The following RADIL variants were observed in gnomAD, a reference collection of about 807,000 sequenced individuals.
The protein encoded by RADIL is Rap associating with DIL domain, also known as ras-associating and dilute domain-containing protein.
Under a neutral mutation model 97.6 loss-of-function variants are expected in RADIL, and 99 were observed. That is an observed-to-expected ratio of 1.01 (90% CI 0.86 to 1.20). The LOEUF is 1.20. Among genes scored for constraint, RADIL ranks in the 50% most tolerant of loss-of-function variants. RADIL has a pLI of 0.00. For synonymous variants in RADIL, 803 were observed against 691.8 expected, an observed-to-expected ratio of 1.16 and a Z score of -2.52; for missense variants, 1,765 against 1,498.9, an observed-to-expected ratio of 1.18 and a Z score of -2.93.
intron 2 of RADIL, among the ~76,000 whole-genome samples, chr7:4,856,693 T>C (rs974663369): frequency 2.0e-5 from 3 of 152,262 alleles, no homozygotes; most frequent in Non-Finnish European, 4.4e-5. Context: ...TACTTTGAAG[T>C]ATGTTAAATA....
chr7:4,817,876 G>T lies in RADIL; in HGVS notation c.1616-525C>A, dbSNP rs1025440500. On this transcript the variant is annotated intron_variant, in intron 6 of 14. Coordinates refer to ENST00000399583, the MANE Select transcript of RADIL (RefSeq NM_018059.5). The surrounding 1 kb of genome is among the most constrained non-coding windows in gnomAD (Gnocchi z 8.3). ...GCTGGAGCTGAGGCTGGGGGGAGCT[G>T]CCCACGGAGTGGTTCCTGCCGTCTG... is the stretch of plus-strand genomic sequence containing the variant. Among the ~76,000 whole-genome samples the T allele has an allele frequency of 2.0e-5, 3 of 152,208 alleles. No individual in the cohort carries two copies. Among genetic ancestry groups the T allele is most frequent in the Non-Finnish European group, 4.4e-5 (3 of 68,032 alleles).
Position 4,803,572 on chromosome 7 carries a change from C to T in RADIL, c.2473G>A (p.Gly825Arg). Residue 825 changes from glycine (G) to arginine (R), a missense_variant, in exon 11 of 15, where the codon GGG (glycine) becomes AGG (arginine). Transcript: ENST00000399583. ...SPGSPGRPGS[G>R]ASQPVCPEGM... ...TCGGGGCACACTGGCTGGGAGGCCCCACTGCCAGGCCTGCCAGGGCTGCCG... is the reference window on the plus strand; with the variant it reads ...TCGGGGCACACTGGCTGGGAGGCCCTACTGCCAGGCCTGCCAGGGCTGCCG... The T allele has an allele frequency of 2.6e-6, 4 of 1,539,240 alleles. No individual in the cohort carries two copies. The highest frequency in any genetic ancestry group is 3.5e-6 in the Non-Finnish European group (4 of 1,143,210).
chr7:4,847,608 G>A (rs943891116), intron 2 of RADIL, among the ~76,000 whole-genome samples: 4 of 151,978 alleles, frequency 2.6e-5, no homozygotes, highest in Admixed American at 6.6e-5. Flanking sequence ...GTCCATCAAC[G>A]GGTGAACAGA....
At chr7:4,841,589 C>G (rs912199508) in intron 2 of RADIL, among the ~76,000 whole-genome samples, 2 of 152,190 alleles carry the variant, frequency 1.3e-5, no homozygotes, top group Non-Finnish European at 2.9e-5. Flanking sequence ...CCGTGTTGAT[C>G]CACTCTAGTG....
Position 4,835,026 on chromosome 7 carries a change from C to A in RADIL, c.997G>T (p.Gly333Trp). 4 of 1,610,984 alleles carry A rather than the reference C, an allele frequency of 2.5e-6. No individual in the cohort carries two copies. The highest frequency in any genetic ancestry group is 3.4e-6 in the Non-Finnish European group (4 of 1,179,122). ...AHISVNFSEVGHRTVVLHHGD... is the reference protein window; with the variant it reads ...AHISVNFSEVWHRTVVLHHGD... Reference sequence around the variant, plus strand: ...TGGTGCAGCACCACGGTCCTGTGCCCCACCTCGGAGAAGTTGACGGAGATG... The same window carrying A: ...TGGTGCAGCACCACGGTCCTGTGCCACACCTCGGAGAAGTTGACGGAGATG... The change falls in exon 4 of 15, where the codon GGG becomes TGG. Residue 333 changes from glycine (G) to tryptophan (W), a missense_variant. Physicochemically the swap from Gly to Trp is radical, Grantham distance 184. Coordinates refer to ENST00000399583, the MANE Select transcript of RADIL (RefSeq NM_018059.5). This position sits in a 1 kb window ranked among gnomAD's most constrained non-coding sequence, Gnocchi z 5.8.
chr7:4,880,016 C>T lies in RADIL; in HGVS notation c.-64-1813G>A, dbSNP rs147642944. On this transcript the variant is annotated intron_variant, in intron 1 of 14. Coordinates refer to ENST00000399583, the MANE Select transcript of RADIL (RefSeq NM_018059.5). The surrounding 1 kb of genome is among the most constrained non-coding windows in gnomAD (Gnocchi z 4.5). ...CACACCAGAGACTGGGTTCCCAACG[C>T]GGACGTCTGCCCTGCGGGGTGGGTG... Among the ~76,000 whole-genome samples the T allele has an allele frequency of 9.0e-4, 137 of 152,286 alleles. 2 individuals carry two copies. The highest frequency in any genetic ancestry group is 4.0e-4 in the Non-Finnish European group (27 of 68,016).
rs558998835 is a variant in RADIL, at chr7:4,855,734, C to T, written c.536-19129G>A. ...CATGTTTATTGGCCGTTCCTAGCTCCTCTTCCGTGAAGTGCTTATGCGCTT... is the reference window on the plus strand; with the variant it reads ...CATGTTTATTGGCCGTTCCTAGCTCTTCTTCCGTGAAGTGCTTATGCGCTT... On this transcript the variant is annotated intron_variant, in intron 2 of 14. Transcript: ENST00000399583. Among the ~76,000 whole-genome samples, 81 of 151,708 alleles carry T rather than the reference C, an allele frequency of 5.3e-4. 1 individual carries two copies. Among genetic ancestry groups the T allele is most frequent in the African/African-American group, 1.6e-3 (68 of 41,348 alleles).
In RADIL at chr7:4,849,281, T is replaced by C. The variant is rs1309626097; in HGVS notation, c.536-12676A>G. 6.6e-6 allele frequency among the ~76,000 whole-genome samples: 1 copy of C among 152,180 alleles called. No individual in the cohort carries two copies. Among genetic ancestry groups the C allele is most frequent in the South Asian group, 2.1e-4 (1 of 4,830 alleles). ...GCTTTTAATCGGTAATGAGAAACTA[T>C]TGCTTTAACTGTGCACATATATATA... On this transcript the variant is annotated intron_variant, in intron 2 of 14. Coordinates refer to ENST00000399583, the MANE Select transcript of RADIL (RefSeq NM_018059.5). The surrounding 1 kb of genome is among the most constrained non-coding windows in gnomAD (Gnocchi z 5.4).
At chr7:4,805,424 G>A in intron 10 of RADIL, 142 bp downstream of exon 10, 1 of 1,074,148 alleles carries the variant, frequency 9.3e-7, no homozygotes, top group South Asian at 2.6e-5. Context: ...GGGTCCTCTG[G>A]GTGGAGGCTC....
chr7:4,843,132 G>A (rs905500405), intron 2 of RADIL, among the ~76,000 whole-genome samples: 3 of 150,670 alleles, frequency 2.0e-5, no homozygotes, highest in Admixed American at 6.7e-5. Context: ...TCAGTCTCCC[G>A]AGTAGCTAGG....
intron 2 of RADIL, among the ~76,000 whole-genome samples, chr7:4,862,715 T>C (rs1784045101): frequency 6.6e-6 from 1 of 150,814 alleles, no homozygotes; most frequent in Non-Finnish European, 1.5e-5. Context: ...AGCCTCAACA[T>C]GGAGAAACCC....
chr7:4,860,079 G>T, intron 2 of RADIL: 1 of 1,614,016 alleles, frequency 6.2e-7, no homozygotes, highest in Non-Finnish European at 8.5e-7. Context: ...TTCACCTGTT[G>T]CAAGGAAAAT....
intron 2 of RADIL, among the ~76,000 whole-genome samples, chr7:4,847,669 C>A (rs1314093392): frequency 9.2e-6 from 1 of 109,078 alleles, no homozygotes; most frequent in African/African-American, 3.6e-5. Context: ...TGAAAAGGAA[C>A]AAAATACTGA....
At chr7:4,809,106 G>A (rs1271077696) in intron 9 of RADIL, 58 of 984,340 alleles carry the variant, frequency 5.9e-5, no homozygotes, top group Non-Finnish European at 6.7e-5. Flanking sequence ...CTCAGGATGC[G>A]GGGCGCAGGA....
At chr7:4,810,316 G>A (rs1317629771) in intron 9 of RADIL, among the ~76,000 whole-genome samples, 3 of 152,094 alleles carry the variant, frequency 2.0e-5, no homozygotes, top group South Asian at 2.1e-4. Flanking sequence ...ACCATGCCTG[G>A]CTAATTTAAA....
intron 2 of RADIL, chr7:4,860,137 A>G (rs1783943785): frequency 6.2e-7 from 1 of 1,613,918 alleles, no homozygotes; most frequent in South Asian, 1.1e-5. Flanking sequence ...CAGCCAAGGC[A>G]GGACTGTTTC....
intron 13 of RADIL, 133 bp downstream of exon 13, chr7:4,800,038 G>A (rs369854973): frequency 7.4e-7 from 1 of 1,346,774 alleles, no homozygotes; most frequent in Non-Finnish European, 9.8e-7. Context: ...CCCAGCTGCA[G>A]AGGCCAACCC....
rs942851493 is a variant in RADIL, at chr7:4,798,325, C to T, written c.*1053G>A. 6.6e-6 allele frequency: 1 copy of T among 152,122 alleles called. No homozygotes were observed. Among genetic ancestry groups the T allele is most frequent in the Non-Finnish European group, 1.5e-5 (1 of 68,020 alleles). 9.4% of individuals were successfully genotyped at this position (152,122 alleles called of 1,614,324 possible). ...GCTGCACGAGGCCCAGGGCCTGGGA[C>T]AGACCCAGGACACCGATCTGGGGAC... On this transcript the variant is annotated 3_prime_UTR_variant, in exon 15 of 15. Coordinates refer to ENST00000399583, the MANE Select transcript of RADIL (RefSeq NM_018059.5).
rs559973738 is a variant in RADIL, at chr7:4,868,187, C to T, written c.535+9418G>A. ...ATGCCATTCTCCTGCCTCAGCCTCC[C>T]GAGTAGCTGGGACTACAGGCGCCCG... On this transcript the variant is annotated intron_variant, in intron 2 of 14. Coordinates refer to ENST00000399583, the MANE Select transcript of RADIL (RefSeq NM_018059.5). Among the ~76,000 whole-genome samples, 16 of 152,152 alleles carry T rather than the reference C, an allele frequency of 1.1e-4. No homozygotes were observed. The South Asian group carries it at 1.7e-3, about 16-fold the overall frequency.
Sources: gnomAD v4.1 joint callset for allele counts (sites outside exome capture counted in the v4.1 genomes callset) on GRCh38, gnomAD v4.1.1 for gene constraint, Gnocchi (gnomAD v3.1) non-coding constraint, MANE v1.5 for transcripts, NCBI Gene and HGNC (gene_info 2026-07-23, HGNC 2026-07-21) for gene names.